ANKRD13C: variants seen among roughly 807,000 people sequenced by gnomAD.
ANKRD13C encodes the protein ankyrin repeat domain 13C.
A neutral mutation model predicts 65.5 loss-of-function variants in ANKRD13C; 16 were observed. That is an observed-to-expected ratio of 0.24 (90% CI 0.17 to 0.37). The LOEUF (loss-of-function observed/expected upper bound fraction) is 0.37, where lower values mean the gene tolerates loss of function less well. Ranked by LOEUF, ANKRD13C falls within the 10% of genes least tolerant of loss-of-function variation. ANKRD13C has a pLI of 1.00. For missense variants in ANKRD13C, 503 were observed against 655.9 expected, an observed-to-expected ratio of 0.77 and a Z score of 2.55; for synonymous variants, 235 against 238.7, an observed-to-expected ratio of 0.98 and a Z score of 0.14.
intron 3 of ANKRD13C, among the ~76,000 whole-genome samples, chr1:70,319,551 G>A (rs538041764): frequency 5.5e-5 from 8 of 145,472 alleles, no homozygotes; most frequent in Non-Finnish European, 1.2e-4. Context: ...AGGCTGCAGA[G>A]AGCCAAGATC....
chr1:70,335,067 C>T (rs1457332875), intron 2 of ANKRD13C, among the ~76,000 whole-genome samples: 1 of 151,768 alleles, frequency 6.6e-6, no homozygotes, highest in Non-Finnish European at 1.5e-5. Flanking sequence ...AAAATCTTAA[C>T]AGAAGTTCAT....
intron 12 of ANKRD13C, among the ~76,000 whole-genome samples, chr1:70,269,248 T>C (rs891070051): frequency 6.6e-6 from 1 of 152,136 alleles, no homozygotes; most frequent in African/African-American, 2.4e-5. Flanking sequence ...TTGTTAAAAA[T>C]GTGGTTCTAC....
chr1:70,270,804 C>T, intron 12 of ANKRD13C, 52 bp downstream of exon 12: 9 of 1,253,732 alleles, frequency 7.2e-6, no homozygotes, highest in Non-Finnish European at 9.1e-6. Context: ...TGTTAATAAA[C>T]AGCTCCATAT....
At chr1:70,287,779 G>A (rs927461405) in intron 9 of ANKRD13C, among the ~76,000 whole-genome samples, 1 of 152,118 alleles carries the variant, frequency 6.6e-6, no homozygotes, top group African/African-American at 2.4e-5. Context: ...AGCTGAGGTA[G>A]GAGGATCCCT....
chr1:70,322,379 T>C (rs949646992), intron 3 of ANKRD13C, among the ~76,000 whole-genome samples: 8 of 152,200 alleles, frequency 5.3e-5, no homozygotes, highest in Non-Finnish European at 8.8e-5. Flanking sequence ...TGATGGAAAG[T>C]AATGAAAATA....
At chr1:70,275,939 G>A (rs1336293362) in intron 10 of ANKRD13C, among the ~76,000 whole-genome samples, 1 of 139,892 alleles carries the variant, frequency 7.1e-6, no homozygotes, top group Non-Finnish European at 1.5e-5. Context: ...TCCAGCCTGG[G>A]CGACAGAGCA....
chr1:70,300,918 A>G lies in ANKRD13C; in HGVS notation c.777-10T>C. 6.2e-7 allele frequency: 1 copy of G among 1,601,838 alleles called. No homozygotes were observed. The highest frequency in any genetic ancestry group is 8.5e-7 in the Non-Finnish European group (1 of 1,176,760). On this transcript the variant is annotated splice_polypyrimidine_tract_variant and intron_variant, in intron 6 of 12. Transcript: ENST00000370944. ...GAGAGTTGTGTCAAGCCTGTGAAAC[A>G]TGGGTAGATGATAAACTCTGACAAA...
intron 1 of ANKRD13C, among the ~76,000 whole-genome samples, chr1:70,340,417 A>G (rs1682257328): frequency 1.3e-5 from 2 of 152,128 alleles, no homozygotes; most frequent in Non-Finnish European, 2.9e-5. Context: ...TGTAATTTCA[A>G]TCGTCTGAAA....
intron 3 of ANKRD13C, among the ~76,000 whole-genome samples, chr1:70,318,247 G>A (rs1326086965): frequency 6.6e-6 from 1 of 152,122 alleles, no homozygotes; most frequent in Non-Finnish European, 1.5e-5. Flanking sequence ...ATTAAAATTA[G>A]CTTTAGAGGA....
rs769618198 is a variant in ANKRD13C at position 70,336,109 on chromosome 1, AT to A, written c.431-11del. ...TGTAAAGGAGTATTTCCTAAAAAAA[AT>A]AAAATAAAATAAATAAATTAGAAGG... is the stretch of plus-strand genomic sequence containing the variant. On this transcript the variant is annotated splice_polypyrimidine_tract_variant and intron_variant, in intron 1 of 12. Coordinates refer to ENST00000370944, the MANE Select transcript of ANKRD13C (RefSeq NM_030816.5). The A allele has an allele frequency of 8.3e-5, 58 of 694,854 alleles. No homozygotes were observed. The Admixed American group carries it at 1.0e-3, about 12-fold the overall frequency. The allele number at this position is 694,854 out of a possible 1,614,324, so 43.0% of individuals were successfully genotyped here.
chr1:70,314,735 A>G (rs1452450308), intron 4 of ANKRD13C, among the ~76,000 whole-genome samples: 2 of 151,632 alleles, frequency 1.3e-5, no homozygotes, highest in African/African-American at 4.8e-5. Flanking sequence ...ATATTTCTTA[A>G]GATCTAAAAA....
rs546568520 is a variant in ANKRD13C at position 70,337,875 on chromosome 1, G to A, written c.431-1776C>T. On this transcript the variant is annotated intron_variant, in intron 1 of 12. Coordinates refer to ENST00000370944, the MANE Select transcript of ANKRD13C (RefSeq NM_030816.5). ...AACACTTTGGGAGGCCAAAAGGGGCGGATCACCTGAGGTCGGGAGTTCAAG... is the reference window on the plus strand; with the variant it reads ...AACACTTTGGGAGGCCAAAAGGGGCAGATCACCTGAGGTCGGGAGTTCAAG... Among the ~76,000 whole-genome samples the A allele has an allele frequency of 4.5e-3, 677 of 152,128 alleles. 1 individual carries two copies. The highest frequency in any genetic ancestry group is 7.2e-3 in the Non-Finnish European group (488 of 67,974).
chr1:70,302,713 G>A (rs1421797696), intron 6 of ANKRD13C, among the ~76,000 whole-genome samples: 10 of 74,532 alleles, frequency 1.3e-4, no homozygotes, highest in African/African-American at 2.0e-4. Flanking sequence ...GCGACAGAGC[G>A]AGACTCCGTC....
chr1:70,331,820 CAAAAAAAAA>C (rs10526340), intron 2 of ANKRD13C, among the ~76,000 whole-genome samples: 6 of 70,040 alleles, frequency 8.6e-5, no homozygotes, highest in Admixed American at 2.0e-4. Flanking sequence ...AGACTCGACT[CAAAAAAAAA>C]AAAAAAAAAA....
chr1:70,330,314 T>C (rs913616081), intron 2 of ANKRD13C, among the ~76,000 whole-genome samples: 1 of 152,054 alleles, frequency 6.6e-6, no homozygotes, highest in Non-Finnish European at 1.5e-5. Context: ...TCCCAGCAGT[T>C]TGGGAGGCCA....
Position 70,354,016 on chromosome 1 carries a change from G to A in ANKRD13C, c.393C>T (p.Leu131=). ...TCTGCCCGATATTGTGCGTGCGGAT[G>A]AGAGAGGAGAGTCTCCTCACATCCC... ...FKGDVRRLSS[L]IRTHNIGQKD... is the part of the protein sequence containing the mutation. The change falls in exon 1 of 13, where the codon CTC becomes CTT. Residue 131 remains leucine, a synonymous_variant. Coordinates refer to ENST00000370944, the MANE Select transcript of ANKRD13C (RefSeq NM_030816.5). The A allele has an allele frequency of 1.3e-6, 2 of 1,551,614 alleles. No individual in the cohort carries two copies. Among genetic ancestry groups the A allele is most frequent in the Non-Finnish European group, 1.7e-6 (2 of 1,148,644 alleles).
At chr1:70,299,777 C>G (rs1680247698) in intron 7 of ANKRD13C, among the ~76,000 whole-genome samples, 1 of 152,090 alleles carries the variant, frequency 6.6e-6, no homozygotes, top group South Asian at 2.1e-4. Flanking sequence ...TTTGAGGTAC[C>G]TGGGAGACAC....
intron 3 of ANKRD13C, among the ~76,000 whole-genome samples, chr1:70,319,058 A>G (rs1206566767): frequency 6.6e-6 from 1 of 151,988 alleles, no homozygotes; most frequent in African/African-American, 2.4e-5. Flanking sequence ...AGCTTACCTC[A>G]TTTGTTCCAA....
At chr1:70,323,849 C>A (rs886650753) in intron 3 of ANKRD13C, among the ~76,000 whole-genome samples, 1 of 151,490 alleles carries the variant, frequency 6.6e-6, no homozygotes, top group Admixed American at 6.6e-5. Flanking sequence ...CTCAGCCTCC[C>A]GAGTAGCTGA....
Sources: allele counts gnomAD v4.1 joint callset (sites outside exome capture counted in the v4.1 genomes callset), GRCh38; gene constraint gnomAD v4.1.1; transcripts MANE v1.5; gene names NCBI Gene and HGNC (gene_info 2026-07-23, HGNC 2026-07-21).